FGFR2: variants seen among roughly 807,000 people sequenced by gnomAD.
FGFR2 encodes the protein fibroblast growth factor receptor 2.
A neutral mutation model predicts 95.9 loss-of-function variants in FGFR2; 19 were observed. The ratio of observed to expected loss-of-function variants is 0.20; its 90% confidence interval spans 0.14 to 0.29. The LOEUF (loss-of-function observed/expected upper bound fraction) is 0.29. FGFR2 is among the 10% of genes least tolerant of loss of function. The pLI is 1.00. For missense variants in FGFR2, 707 were observed against 1,056.9 expected (o/e 0.67, Z 4.59); for synonymous variants, 392 against 393.3 (o/e 1.00, Z 0.04).
rs1033675210 is a variant in FGFR2 at position 121,478,962 on chromosome 10, C to T, written c.*895G>A. The stretch of plus-strand genomic sequence containing the variant: ...GTTGACGTAATGACAGGGTTGCACA[C>T]CAAAATGAAACACCTTCCTATGAAT... On this transcript the variant is annotated 3_prime_UTR_variant, in exon 18 of 18. Coordinates refer to ENST00000358487, the MANE Select transcript of FGFR2 (RefSeq NM_000141.5). 16 of 233,382 alleles carry T rather than the reference C, an allele frequency of 6.9e-5. No individual in the cohort carries two copies. In the Admixed American group the frequency reaches 7.9e-4, roughly 11 times the overall value. The allele number at this position is 233,382 out of a possible 1,614,324, so 14.5% of individuals were successfully genotyped here.
Position 121,479,191 on chromosome 10 carries a change from A to G in FGFR2, c.*666T>C, listed in dbSNP as rs964952545. On this transcript the variant is annotated 3_prime_UTR_variant, in exon 18 of 18. Transcript: ENST00000358487. ...CTGCCTGCATAGAAATGCCACTTAA[A>G]TTACAAAAAAAACTATAAATGATTA... 1.7e-5 allele frequency: 4 copies of G among 232,930 alleles called. No homozygotes were observed. Among genetic ancestry groups the G allele is most frequent in the African/African-American group, 8.8e-5 (4 of 45,334 alleles). The allele number at this position is 232,930 out of a possible 1,614,324, so 14.4% of individuals were successfully genotyped here. A position where few individuals can be genotyped will look rare whatever the true frequency, so the allele number is the denominator to read the frequency against.
intron 13 of FGFR2, among the ~76,000 whole-genome samples, chr10:121,494,197 G>A (rs1308364126): frequency 6.6e-6 from 1 of 152,028 alleles, no homozygotes; most frequent in Non-Finnish European, 1.5e-5. Flanking sequence ...CCTGGCATGA[G>A]TAAGGCCTTA....
intron 5 of FGFR2, among the ~76,000 whole-genome samples, chr10:121,548,129 C>T (rs2134757722): frequency 6.6e-6 from 1 of 152,174 alleles, no homozygotes; most frequent in South Asian, 2.1e-4. Flanking sequence ...ACTAGCGGGC[C>T]AACCTCCCAG....
At chr10:121,484,816 G>T (rs1233552420) in intron 16 of FGFR2, among the ~76,000 whole-genome samples, 1 of 152,230 alleles carries the variant, frequency 6.6e-6, no homozygotes, top group East Asian at 1.9e-4. Context: ...TAAAACACAA[G>T]TGAGACCTAG....
chr10:121,576,286 A>G (rs3116478), intron 2 of FGFR2, among the ~76,000 whole-genome samples: 149,366 of 152,338 alleles, frequency 0.98, 73,276 homozygotes, highest in East Asian at 1. Flanking sequence ...ATAGATACTT[A>G]CGTTACAAGC....
chr10:121,570,495 G>C (rs1280965310), intron 2 of FGFR2, among the ~76,000 whole-genome samples: 1 of 152,186 alleles, frequency 6.6e-6, no homozygotes, highest in African/African-American at 2.4e-5. Context: ...GAATTCCCCA[G>C]GAAATGTACA....
intron 11 of FGFR2, among the ~76,000 whole-genome samples, chr10:121,499,548 C>A (rs1165723223): frequency 6.6e-6 from 1 of 152,236 alleles, no homozygotes; most frequent in Admixed American, 6.5e-5. Flanking sequence ...GGACTAATAT[C>A]CTTCTGTGTC....
At chr10:121,566,025 G>GT (rs1857621391) in intron 2 of FGFR2, 1 of 440,930 alleles carries the variant, frequency 2.3e-6, no homozygotes, top group Non-Finnish European at 4.2e-6. Context: ...TGCTTGCACT[G>GT]TAATACCTGC....
At chr10:121,550,262 C>T (rs1314209201) in intron 5 of FGFR2, among the ~76,000 whole-genome samples, 1 of 152,152 alleles carries the variant, frequency 6.6e-6, no homozygotes, top group Non-Finnish European at 1.5e-5. Flanking sequence ...TGTGTCCCTC[C>T]CATTGCCAGA....
In FGFR2 at chr10:121,593,930, G is replaced by T; in HGVS notation, c.-113C>A. 1.0e-6 allele frequency: 1 copy of T among 988,902 alleles called. No homozygotes were observed. The highest frequency in any genetic ancestry group is 1.6e-6 in the Non-Finnish European group (1 of 623,886). 61.3% of individuals were successfully genotyped at this position (988,902 alleles called of 1,614,324 possible). On this transcript the variant is annotated 5_prime_UTR_variant, in exon 2 of 18. Coordinates refer to ENST00000358487, the MANE Select transcript of FGFR2 (RefSeq NM_000141.5). Reference sequence around the variant, plus strand: ...GCGCAATGCCTTCAGCCTGCGGTGGGCTCAGGAACCGAGGCGCTGCCGCTG... The same window carrying T: ...GCGCAATGCCTTCAGCCTGCGGTGGTCTCAGGAACCGAGGCGCTGCCGCTG...
At chr10:121,524,562 G>A (rs1402586090) in intron 6 of FGFR2, among the ~76,000 whole-genome samples, 1 of 152,162 alleles carries the variant, frequency 6.6e-6, no homozygotes, top group Non-Finnish European at 1.5e-5. Context: ...AGCATCTGCC[G>A]AACGCTGCGC....
At chr10:121,540,848 T>G (rs756789416) in intron 5 of FGFR2, among the ~76,000 whole-genome samples, 1 of 152,214 alleles carries the variant, frequency 6.6e-6, no homozygotes, top group Non-Finnish European at 1.5e-5. Flanking sequence ...ACTGTCAATG[T>G]CTTTCTTGTG....
chr10:121,544,923 A>G (rs1229733371), intron 5 of FGFR2, among the ~76,000 whole-genome samples: 1 of 152,216 alleles, frequency 6.6e-6, no homozygotes, highest in Non-Finnish European at 1.5e-5. Context: ...TGGGAGGATC[A>G]CTTGAGCTTA....
In FGFR2 at chr10:121,519,457, G is replaced by GGTTTT. The variant is rs538417073; in HGVS notation, c.939+517_939+521dup. Among the ~76,000 whole-genome samples the GGTTTT allele has an allele frequency of 3.5e-3, 534 of 152,178 alleles. 2 individuals are homozygous for GGTTTT. Among genetic ancestry groups the GGTTTT allele is most frequent in the Middle Eastern group, 0.01 (3 of 294 alleles). ...CCTCTGAATGGATTTCAAAGGTCAG[G>GGTTTT]GTTTTGTTTTGTTTTGTTTTTGTTA... On this transcript the variant is annotated intron_variant, in intron 7 of 17. Transcript: ENST00000358487.
chr10:121,526,754 T>G (rs142318520), intron 6 of FGFR2: 5 of 398,652 alleles, frequency 1.3e-5, no homozygotes, highest in Middle Eastern at 6.3e-4. Flanking sequence ...TAAACACATT[T>G]CTGTGGAAGG....
chr10:121,550,342 C>T (rs1182876945), intron 5 of FGFR2, among the ~76,000 whole-genome samples: 5 of 152,200 alleles, frequency 3.3e-5, no homozygotes, highest in Admixed American at 2.6e-4. Flanking sequence ...CTCACCCTCT[C>T]ATCTCCCCAG....
At chr10:121,503,009 C>T (rs576497326) in intron 10 of FGFR2, among the ~76,000 whole-genome samples, 2 of 152,168 alleles carry the variant, frequency 1.3e-5, no homozygotes, top group Non-Finnish European at 2.9e-5. Context: ...AAGGAAAACT[C>T]GCACAAGCCA....
intron 1 of FGFR2, among the ~76,000 whole-genome samples, chr10:121,597,585 C>T (rs1345012201): frequency 1.3e-5 from 2 of 152,236 alleles, no homozygotes; most frequent in African/African-American, 4.8e-5. Flanking sequence ...CGGAGATGAC[C>T]CCGGGAACCG....
intron 2 of FGFR2, among the ~76,000 whole-genome samples, chr10:121,572,999 C>A (rs1327363776): frequency 1.3e-5 from 2 of 152,248 alleles, no homozygotes; most frequent in East Asian, 3.8e-4. Flanking sequence ...TCCAGCTGGA[C>A]TTCTCACCCA....
Sources: allele counts gnomAD v4.1 joint callset (sites outside exome capture counted in the v4.1 genomes callset), GRCh38; gene constraint gnomAD v4.1.1; transcripts MANE v1.5; gene names NCBI Gene and HGNC (gene_info 2026-07-23, HGNC 2026-07-21).